The following DSTYK variants were observed in gnomAD, a reference collection of about 807,000 sequenced individuals.
DSTYK encodes the protein RIP-homologous kinase.
In DSTYK, 34 loss-of-function variants were observed where a neutral mutation model predicts 98.7. The observed-to-expected ratio is 0.34, with a 90% CI of 0.26 to 0.46. The LOEUF (loss-of-function observed/expected upper bound fraction) is 0.46. Among genes scored for constraint, DSTYK ranks in the 20% least tolerant of loss-of-function variants. DSTYK has a pLI of 1.00. For synonymous variants in DSTYK, 462 were observed against 457.3 expected (o/e 1.01, Z -0.13); for missense variants, 962 against 1,181.7 (o/e 0.81, Z 2.73).
At chr1:205,163,069 A>G in intron 4 of DSTYK, 63 bp from the exon 5 acceptor site, 1 of 1,353,132 alleles carries the variant, frequency 7.4e-7, no homozygotes, top group Non-Finnish European at 1.1e-6. Flanking sequence ...AAAATGCAAT[A>G]AATGATACTT....
chr1:205,151,189 A>G (rs751427379), intron 10 of DSTYK, among the ~76,000 whole-genome samples: 4 of 152,192 alleles, frequency 2.6e-5, no homozygotes, highest in Non-Finnish European at 4.4e-5. Context: ...TGGAGCTCGC[A>G]GAAGTGGAAG....
At chr1:205,200,866 T>G (rs1036502212) in intron 1 of DSTYK, among the ~76,000 whole-genome samples, 2 of 152,190 alleles carry the variant, frequency 1.3e-5, no homozygotes, top group Non-Finnish European at 2.9e-5. Context: ...CTGCACCTAC[T>G]ACTTGATAGC....
chr1:205,162,313 C>G, intron 5 of DSTYK, 101 bp from the exon 6 acceptor site: 4 of 1,392,074 alleles, frequency 2.9e-6, no homozygotes, highest in Non-Finnish European at 3.9e-6. Flanking sequence ...TCATTAAGAG[C>G]AGGCTCATAA....
chr1:205,170,672 G>A (rs1658032652), intron 2 of DSTYK, among the ~76,000 whole-genome samples: 1 of 152,168 alleles, frequency 6.6e-6, no homozygotes, highest in South Asian at 2.1e-4. Context: ...CACTTGGTAT[G>A]GCAAAGACCA....
chr1:205,148,126 A>G lies in DSTYK; in HGVS notation c.2602+79T>C, dbSNP rs1574742791. 1.5e-5 allele frequency: 23 copies of G among 1,575,278 alleles called. No individual in the cohort carries two copies. The South Asian group carries it at 1.9e-4, about 13-fold the overall frequency. On this transcript the variant is annotated intron_variant, in intron 12 of 12. Transcript: ENST00000367162. ...CTATGGAGTGGCCAGATGGGATGAC[A>G]GGAGACCCGGTGACATTGCCTGGGC...
At chr1:205,163,442 C>T (rs1478445166) in intron 4 of DSTYK, among the ~76,000 whole-genome samples, 1 of 152,164 alleles carries the variant, frequency 6.6e-6, no homozygotes, top group Non-Finnish European at 1.5e-5. Flanking sequence ...TGGTCTCCAA[C>T]TCCCAACCTC....
At chr1:205,203,405 C>T (rs761670902) in intron 1 of DSTYK, among the ~76,000 whole-genome samples, 2 of 147,130 alleles carry the variant, frequency 1.4e-5, no homozygotes, top group Non-Finnish European at 3.0e-5. Flanking sequence ...TCATTTTTAT[C>T]TAGGAGGCAG....
intron 6 of DSTYK, 139 bp downstream of exon 6, chr1:205,161,897 T>C (rs759761148): frequency 4.1e-5 from 28 of 681,404 alleles, no homozygotes; most frequent in Admixed American, 1.1e-4. Flanking sequence ...TGTGTGTGTG[T>C]ATATATATGT....
chr1:205,145,533 T>TG lies in DSTYK; in HGVS notation c.*2024_*2025insC, dbSNP rs1379288974. ...ACTCATCTTTGTTTTTTGTTTTTTTTTTTGTTTTTTTTTGAGATAGAGTCT... is the reference window on the plus strand; with the variant it reads ...ACTCATCTTTGTTTTTTGTTTTTTTTGTTTGTTTTTTTTTGAGATAGAGTCT... On this transcript the variant is annotated 3_prime_UTR_variant, in exon 13 of 13. Transcript: ENST00000367162. The TG allele has an allele frequency of 8.8e-5, 12 of 136,776 alleles. No homozygotes were observed. The highest frequency in any genetic ancestry group is 2.6e-4 in the East Asian group (1 of 3,874). The allele number at this position is 136,776 out of a possible 1,614,324, so 8.5% of individuals were successfully genotyped here. A position where few individuals can be genotyped will look rare whatever the true frequency, so the allele number is the denominator to read the frequency against.
chr1:205,181,653 G>GGGGTGTGTGTGTGTGTGTGTGTGT (rs758360038), intron 2 of DSTYK, among the ~76,000 whole-genome samples: 1 of 83,960 alleles, frequency 1.2e-5, no homozygotes, highest in East Asian at 2.5e-4. Context: ...CAGATGTTGG[G>GGGGTGTGTGTGTGTGTGTGTGTGT]GTTTGTGTGT....
intron 1 of DSTYK, among the ~76,000 whole-genome samples, chr1:205,193,362 C>T (rs1658768024): frequency 6.6e-6 from 1 of 152,140 alleles, no homozygotes; most frequent in African/African-American, 2.4e-5. Flanking sequence ...GCAACACATT[C>T]TCCTTCTTGC....
intron 2 of DSTYK, among the ~76,000 whole-genome samples, chr1:205,176,319 A>G (rs1391476469): frequency 6.6e-6 from 1 of 151,948 alleles, no homozygotes; most frequent in Non-Finnish European, 1.5e-5. Context: ...CTCTGCTGAA[A>G]ACACAAAATT....
chr1:205,169,908 A>G lies in DSTYK; in HGVS notation c.655-76T>C. 7.2e-7 allele frequency: 1 copy of G among 1,390,176 alleles called. No homozygotes were observed. Among genetic ancestry groups the G allele is most frequent in the Non-Finnish European group, 9.7e-7 (1 of 1,032,624 alleles). 86.1% of individuals were successfully genotyped at this position (1,390,176 alleles called of 1,614,324 possible). A position where few individuals can be genotyped will look rare whatever the true frequency, so the allele number is the denominator to read the frequency against. ...CCTGTCTCCCCAAAGTCCCACACTG[A>G]GACCAAAATCCTGATCTACAATGGA... is the stretch of plus-strand genomic sequence containing the variant. On this transcript the variant is annotated intron_variant, in intron 2 of 12. Coordinates refer to ENST00000367162, the MANE Select transcript of DSTYK (RefSeq NM_015375.3). The surrounding 1 kb of genome is among the most constrained non-coding windows in gnomAD (Gnocchi z 4.0).
At chr1:205,171,676 T>A (rs957752830) in intron 2 of DSTYK, among the ~76,000 whole-genome samples, 4 of 152,128 alleles carry the variant, frequency 2.6e-5, no homozygotes, top group Non-Finnish European at 5.9e-5. Flanking sequence ...ATTCCAGGTG[T>A]AAACGGTTAA....
chr1:205,207,775 A>G (rs1574807656), intron 1 of DSTYK, among the ~76,000 whole-genome samples: 2 of 145,416 alleles, frequency 1.4e-5, no homozygotes, highest in Non-Finnish European at 3.0e-5. Flanking sequence ...AAAAAAAAAA[A>G]AAAAAAAAAA....
Position 205,163,154 on chromosome 1 carries a change from ATTAT to A in DSTYK, c.1558-152_1558-149del, listed in dbSNP as rs1657782658. On this transcript the variant is annotated intron_variant, in intron 4 of 12. Transcript: ENST00000367162. ...ATATATGCAGAGTCAACTTAAGCTG[ATTAT>A]TTATTTTGTGACTATCTAGCCCCTT... 22 of 664,606 alleles carry A rather than the reference ATTAT, an allele frequency of 3.3e-5. No homozygotes were observed. In the South Asian group the frequency reaches 3.4e-4, roughly 10 times the overall value. The allele number at this position is 664,606 out of a possible 1,614,324, so 41.2% of individuals were successfully genotyped here. A position where few individuals can be genotyped will look rare whatever the true frequency, so the allele number is the denominator to read the frequency against.
chr1:205,157,513 G>T, intron 9 of DSTYK, 127 bp from the exon 10 acceptor site: 2 of 674,508 alleles, frequency 3.0e-6, no homozygotes, highest in Non-Finnish European at 5.0e-6. Context: ...AGTGGCTCAT[G>T]CCTGTAACCC....
intron 1 of DSTYK, among the ~76,000 whole-genome samples, chr1:205,190,594 C>T (rs1658680361): frequency 8.7e-6 from 1 of 114,996 alleles, no homozygotes; most frequent in African/African-American, 3.4e-5. Flanking sequence ...CCAGCCTGGG[C>T]AACAGAGCGA....
At position 205,142,956 on chromosome 1, in the gene DSTYK, A is replaced by G. The variant is rs544657123; in HGVS notation, c.*4602T>C. 4 of 152,126 alleles carry G rather than the reference A, an allele frequency of 2.6e-5. No individual in the cohort carries two copies. The highest frequency in any genetic ancestry group is 7.2e-5 in the African/African-American group (3 of 41,414). 9.4% of individuals were successfully genotyped at this position (152,126 alleles called of 1,614,324 possible). ...CTGATGCACCTCTGAGATCACCTCAATTGGACTGGATGTTAACAAAACAGA... is the reference window on the plus strand; with the variant it reads ...CTGATGCACCTCTGAGATCACCTCAGTTGGACTGGATGTTAACAAAACAGA... On this transcript the variant is annotated 3_prime_UTR_variant, in exon 13 of 13. Transcript: ENST00000367162.
Sources: gnomAD v4.1 joint callset for allele counts (sites outside exome capture counted in the v4.1 genomes callset) on GRCh38, gnomAD v4.1.1 for gene constraint, Gnocchi (gnomAD v3.1) non-coding constraint, MANE v1.5 for transcripts, NCBI Gene and HGNC (gene_info 2026-07-23, HGNC 2026-07-21) for gene names.